Variants in FAM222B observed in about 807,000 individuals in gnomAD.
FAM222B encodes family with sequence similarity 222 member B.
A neutral mutation model predicts 38.0 loss-of-function variants in FAM222B; 12 were observed. The ratio of observed to expected loss-of-function variants is 0.32; its 90% CI spans 0.20 to 0.51. FAM222B has a LOEUF of 0.51. FAM222B is among the 20% of genes least tolerant of loss of function. The pLI, the probability that FAM222B is intolerant of heterozygous loss-of-function variation, is 0.97. For synonymous variants in FAM222B, 329 were observed against 317.2 expected, an observed-to-expected ratio of 1.04 and a Z score of -0.40; for missense variants, 716 against 754.2, an observed-to-expected ratio of 0.95 and a Z score of 0.59.
rs1305689654 is a variant in FAM222B at position 28,854,831 on chromosome 17, T to C, written c.-41+119A>G. On this transcript the variant is annotated intron_variant, in intron 1 of 2. Coordinates refer to the FAM222B transcript ENST00000577513. ...GTATGGGAGTCCAAAACTACCGTCATGCTTGCACAGACTCTAAATACACAT... is the reference window on the plus strand; with the variant it reads ...GTATGGGAGTCCAAAACTACCGTCACGCTTGCACAGACTCTAAATACACAT... The C allele has an allele frequency of 1.4e-5, 8 of 561,162 alleles. No individual in the cohort carries two copies. In the Admixed American group the frequency reaches 2.9e-4, roughly 20 times the overall value. 34.8% of individuals were successfully genotyped at this position (561,162 alleles called of 1,614,324 possible).
At chr17:28,787,049 T>A (rs1422804144) in intron 1 of FAM222B, among the ~76,000 whole-genome samples, 1 of 152,026 alleles carries the variant, frequency 6.6e-6, no homozygotes, top group African/African-American at 2.4e-5. Context: ...CTCAGCCTCC[T>A]GAGTAGTTGA....
chr17:28,847,668 G>A (rs1031939484), upstream of FAM222B, among the ~76,000 whole-genome samples: 165 of 151,152 alleles, frequency 1.1e-3, 1 homozygote, highest in South Asian at 8.4e-4. Flanking sequence ...TAATCCCAGC[G>A]CTTTGGGAGG....
rs139080990 is a variant in FAM222B at position 28,833,301 on chromosome 17, T to C, written c.-41+9381A>G. 4.0e-3 allele frequency among the ~76,000 whole-genome samples: 608 copies of C among 150,196 alleles called. 18 individuals are homozygous for C. In the South Asian group the frequency reaches 0.05, roughly 12 times the overall value. On this transcript the variant is annotated intron_variant, in intron 1 of 2. Transcript: ENST00000581407. ...TCCAGCCTGGGCAACAGAGGGAGACTCCCTCTCAAAAAAATAAATAAATAA... is the reference window on the plus strand; with the variant it reads ...TCCAGCCTGGGCAACAGAGGGAGACCCCCTCTCAAAAAAATAAATAAATAA...
At chr17:28,765,382 A>G (rs776734294) in intron 2 of FAM222B, among the ~76,000 whole-genome samples, 10 of 152,170 alleles carry the variant, frequency 6.6e-5, no homozygotes, top group Admixed American at 1.3e-4. Context: ...GTTGCCCTAC[A>G]ATGCCAGAGT....
chr17:28,774,976 A>G (rs572835223), intron 1 of FAM222B, among the ~76,000 whole-genome samples: 1 of 147,664 alleles, frequency 6.8e-6, no homozygotes, highest in African/African-American at 2.5e-5. Flanking sequence ...ATAAATAAAT[A>G]AAACAAACAA....
At position 28,779,751 on chromosome 17, in the gene FAM222B, AAAAT is replaced by A. The variant is rs57583458; in HGVS notation, c.-40-13048_-40-13045del. On this transcript the variant is annotated intron_variant, in intron 1 of 2. Coordinates refer to ENST00000581407, the MANE Select transcript of FAM222B (RefSeq NM_001077498.3). ...GGGCGACAGAGCGAGACTCCGTCTC[AAAAT>A]AAATAAATAAATAAATAAATAAATA... Among the ~76,000 whole-genome samples the A allele has an allele frequency of 5.7e-3, 830 of 144,668 alleles. 5 individuals are homozygous for A. Among genetic ancestry groups the A allele is most frequent in the Middle Eastern group, 0.018 (5 of 278 alleles). 94.9% of individuals were successfully genotyped at this position (144,668 alleles called of 152,430 possible).
intron 1 of FAM222B, among the ~76,000 whole-genome samples, chr17:28,796,007 G>C (rs1405005622): frequency 6.6e-6 from 1 of 152,154 alleles, no homozygotes. Flanking sequence ...AGGACAGTAT[G>C]TTTTAATTGT....
chr17:28,844,946 T>C (rs1323429921), upstream of FAM222B, among the ~76,000 whole-genome samples: 2 of 147,764 alleles, frequency 1.4e-5, no homozygotes, highest in Non-Finnish European at 1.5e-5. Context: ...ACTGAAAAAA[T>C]ACAAAAATTA....
intron 1 of FAM222B, among the ~76,000 whole-genome samples, chr17:28,770,904 G>C (rs2035596690): frequency 6.6e-6 from 1 of 151,686 alleles, no homozygotes; most frequent in Non-Finnish European, 1.5e-5. Context: ...CATTCAGAAG[G>C]TTCTAAGGGT....
chr17:28,824,505 T>TG (rs1432498951), intron 1 of FAM222B, among the ~76,000 whole-genome samples: 1 of 152,100 alleles, frequency 6.6e-6, no homozygotes, highest in Non-Finnish European at 1.5e-5. Flanking sequence ...AATTATATTC[T>TG]GCTAGTCTTA....
chr17:28,807,622 G>A (rs1233700269), intron 1 of FAM222B, among the ~76,000 whole-genome samples: 1 of 152,238 alleles, frequency 6.6e-6, no homozygotes, highest in Non-Finnish European at 1.5e-5. Context: ...CTGGCCTCAA[G>A]TGATCCGTCC....
intron 1 of FAM222B, among the ~76,000 whole-genome samples, chr17:28,822,779 GGC>G: frequency 8.9e-6 from 1 of 112,876 alleles, no homozygotes; most frequent in African/African-American, 3.5e-5. Context: ...CTCCAGCCTG[GGC>G]GATAGAGCAA....
chr17:28,759,490 C>T lies in FAM222B; in HGVS notation c.469G>A (p.Ala157Thr). ...GCCAGGGTCTGTGCATGCTGCAGGG[C>T]CTGCTGGCGGGCCAGAGCCTGGGCC... ...PQAQALARQQALQHAQTLAHA... is the reference protein window; with the variant it reads ...PQAQALARQQTLQHAQTLAHA... Residue 157 changes from alanine to threonine, a missense_variant, in exon 3 of 3, where the codon GCC (alanine) becomes ACC (threonine). Ala to Thr is a moderately conservative substitution (Grantham distance 58). Coordinates refer to ENST00000581407, the MANE Select transcript of FAM222B (RefSeq NM_001077498.3). This position sits in a 1 kb window ranked among gnomAD's most constrained non-coding sequence, Gnocchi z 4.8. 6.4e-7 allele frequency: 1 copy of T among 1,574,652 alleles called. No homozygotes were observed. Among genetic ancestry groups the T allele is most frequent in the Non-Finnish European group, 8.6e-7 (1 of 1,160,298 alleles).
chr17:28,775,844 A>C (rs962831962), intron 1 of FAM222B, among the ~76,000 whole-genome samples: 8 of 150,504 alleles, frequency 5.3e-5, no homozygotes, highest in African/African-American at 2.0e-4. Flanking sequence ...TGGCGCCACT[A>C]CACTCCAGCC....
upstream of FAM222B, among the ~76,000 whole-genome samples, chr17:28,846,400 G>A (rs2039146406): frequency 6.6e-6 from 1 of 151,928 alleles, no homozygotes; most frequent in African/African-American, 2.4e-5. Context: ...AAAATGTTCA[G>A]GCCAGGTACG....
At chr17:28,804,771 G>A (rs528864904) in intron 1 of FAM222B, among the ~76,000 whole-genome samples, 5 of 151,754 alleles carry the variant, frequency 3.3e-5, no homozygotes, top group African/African-American at 9.7e-5. Flanking sequence ...GGCCGGGTGC[G>A]GTGGCTCACG....
chr17:28,815,743 T>C (rs2037997433), intron 1 of FAM222B, among the ~76,000 whole-genome samples: 1 of 151,922 alleles, frequency 6.6e-6, no homozygotes, highest in Non-Finnish European at 1.5e-5. Context: ...GACAGGCAGA[T>C]CTCGAGGTCA....
intron 1 of FAM222B, among the ~76,000 whole-genome samples, chr17:28,847,999 G>C (rs149976665): frequency 6.6e-6 from 1 of 152,210 alleles, no homozygotes; most frequent in Non-Finnish European, 1.5e-5. Flanking sequence ...TGGAGCCTGC[G>C]CATGTTGGCT....
intron 1 of FAM222B, among the ~76,000 whole-genome samples, chr17:28,835,215 T>G (rs1025629666): frequency 6.6e-6 from 1 of 152,062 alleles, no homozygotes; most frequent in Non-Finnish European, 1.5e-5. Flanking sequence ...TGGCTAATTT[T>G]TAGTAGAGAC....
Sources: gnomAD v4.1 joint callset for allele counts (sites outside exome capture counted in the v4.1 genomes callset) on GRCh38, gnomAD v4.1.1 for gene constraint, Gnocchi (gnomAD v3.1) non-coding constraint, MANE v1.5 for transcripts, NCBI Gene and HGNC (gene_info 2026-07-23, HGNC 2026-07-21) for gene names.